CSMD2: variants seen among roughly 807,000 people sequenced by gnomAD.
The protein encoded by CSMD2 is CUB and sushi domain-containing protein 2.
A neutral mutation model predicts 398.5 loss-of-function variants in CSMD2; 130 were observed. That is an observed-to-expected ratio of 0.33 (90% CI 0.28 to 0.38). The LOEUF (loss-of-function observed/expected upper bound fraction) is 0.38, where lower values mean the gene tolerates loss of function less well. Ranked by LOEUF, CSMD2 falls within the 10% of genes least tolerant of loss-of-function variation. The pLI, the probability that CSMD2 is intolerant of heterozygous loss-of-function variation, is 1.00. For missense variants in CSMD2, 3,829 were observed against 4,764.9 expected (o/e 0.80, Z 5.78); for synonymous variants, 1,828 against 1,908.5 (o/e 0.96, Z 1.10).
intron 37 of CSMD2, among the ~76,000 whole-genome samples, chr1:33,618,568 C>A (rs888623915): frequency 6.6e-6 from 1 of 152,058 alleles, no homozygotes; most frequent in African/African-American, 2.4e-5. Context: ...TCAACCTGCA[C>A]TCATTTATTC....
At chr1:33,970,880 G>A (rs1645736574) in intron 3 of CSMD2, among the ~76,000 whole-genome samples, 1 of 152,206 alleles carries the variant, frequency 6.6e-6, no homozygotes, top group Non-Finnish European at 1.5e-5. Flanking sequence ...AACCCATGCT[G>A]CCTCTCTCCT....
chr1:33,632,854 T>C (rs1465409742), intron 32 of CSMD2, among the ~76,000 whole-genome samples: 1 of 152,222 alleles, frequency 6.6e-6, no homozygotes, highest in East Asian at 1.9e-4. Context: ...GGGAATTCGT[T>C]ACATAAATTT....
intron 1 of CSMD2, among the ~76,000 whole-genome samples, chr1:34,123,045 TCTGTAGTTC>T (rs759245593): frequency 3.9e-5 from 6 of 152,194 alleles, no homozygotes; most frequent in Non-Finnish European, 7.3e-5. Context: ...GCTATTTTTG[TCTGTAGTTC>T]CTGTAGTTCC....
At chr1:33,946,620 CTT>C (rs756819198) in intron 3 of CSMD2, among the ~76,000 whole-genome samples, 14 of 144,990 alleles carry the variant, frequency 9.7e-5, no homozygotes, top group Admixed American at 2.1e-4. Flanking sequence ...CATCTGACAA[CTT>C]TTTTTTTTTT....
At chr1:34,159,904 C>A (rs1188932760) in intron 1 of CSMD2, among the ~76,000 whole-genome samples, 1 of 152,210 alleles carries the variant, frequency 6.6e-6, no homozygotes, top group Non-Finnish European at 1.5e-5. Context: ...TGGCACTGGA[C>A]TCGTTGCATC....
intron 2 of CSMD2, among the ~76,000 whole-genome samples, chr1:34,079,603 C>G (rs1057348006): frequency 6.6e-6 from 1 of 152,070 alleles, no homozygotes; most frequent in Non-Finnish European, 1.5e-5. Context: ...GATGGAATAT[C>G]TACATTAACT....
intron 14 of CSMD2, among the ~76,000 whole-genome samples, chr1:33,742,656 G>C (rs761339489): frequency 8.6e-5 from 12 of 139,562 alleles, no homozygotes; most frequent in Non-Finnish European, 1.2e-4. Context: ...GCTGCTTCTA[G>C]AGAAGGGGCC....
chr1:33,587,874 T>G (rs1276927164), intron 44 of CSMD2, among the ~76,000 whole-genome samples: 1 of 152,254 alleles, frequency 6.6e-6, no homozygotes. Context: ...CAGAGTCAAG[T>G]GCTATACAAG....
intron 44 of CSMD2, among the ~76,000 whole-genome samples, chr1:33,596,166 A>G (rs1639821798): frequency 6.6e-6 from 1 of 152,122 alleles, no homozygotes. Context: ...CCAAGGTTTC[A>G]TTTCTGCTGA....
chr1:33,822,438 T>C (rs1199801702), intron 7 of CSMD2, among the ~76,000 whole-genome samples: 1 of 152,168 alleles, frequency 6.6e-6, no homozygotes, highest in Admixed American at 6.5e-5. Context: ...GCCCAGGCTA[T>C]GGCTGGCCAT....
chr1:33,932,297 C>T (rs1411544472), intron 4 of CSMD2, among the ~76,000 whole-genome samples: 1 of 151,956 alleles, frequency 6.6e-6, no homozygotes, highest in Admixed American at 6.6e-5. Context: ...CCCCTAGTAA[C>T]AATTACAGCA....
chr1:33,788,181 G>A (rs565084468), intron 12 of CSMD2, among the ~76,000 whole-genome samples: 1 of 152,188 alleles, frequency 6.6e-6, no homozygotes, highest in East Asian at 1.9e-4. Context: ...GGAATAACAT[G>A]CCTAAGGGGG....
At chr1:34,021,560 C>G (rs1648889351) in intron 3 of CSMD2, among the ~76,000 whole-genome samples, 2 of 152,202 alleles carry the variant, frequency 1.3e-5, no homozygotes, top group Non-Finnish European at 2.9e-5. Context: ...GCCCCCCTGC[C>G]TTGAGCACGG....
At chr1:33,958,993 T>C (rs1233641526) in intron 3 of CSMD2, among the ~76,000 whole-genome samples, 5 of 152,222 alleles carry the variant, frequency 3.3e-5, no homozygotes, top group Non-Finnish European at 7.3e-5. Context: ...TGCCTATTTA[T>C]CTCGACTCCC....
intron 3 of CSMD2, among the ~76,000 whole-genome samples, chr1:34,000,450 G>A (rs1646865260): frequency 6.6e-6 from 1 of 152,128 alleles, no homozygotes. Context: ...TTGGCACAGA[G>A]CAAAGAGAAA....
In CSMD2 at chr1:33,540,632, C is replaced by G; in HGVS notation, c.9524G>C (p.Gly3175Ala). The G allele has an allele frequency of 6.2e-7, 1 of 1,614,194 alleles. No individual in the cohort carries two copies. The highest frequency in any genetic ancestry group is 1.7e-5 in the Admixed American group (1 of 60,026). ...GKVVGSDFMWGSSVTYACLEG... is the reference protein window; with the variant it reads ...GKVVGSDFMWASSVTYACLEG... Reference sequence around the variant, plus strand: ...CAGGCAGGCATAAGTCACACTTGAGCCCCACATGAAGTCAGACCCCACCAC... The same window carrying G: ...CAGGCAGGCATAAGTCACACTTGAGGCCCACATGAAGTCAGACCCCACCAC... Residue 3175 changes from glycine (G) to alanine (A), a missense_variant, in exon 60 of 71, where the codon GGC becomes GCC. This residue lies in a region of CSMD2 where 917 missense variants were observed against 1,199.5 expected (regional missense o/e 0.76). Transcript: ENST00000373381.
chr1:34,074,396 G>A (rs571583261), intron 2 of CSMD2, among the ~76,000 whole-genome samples: 26 of 152,238 alleles, frequency 1.7e-4, no homozygotes, highest in Admixed American at 2.6e-4. Flanking sequence ...GAGCTGGCCC[G>A]GGCCACTGCT....
At chr1:33,700,135 A>G (rs1337441930) in intron 23 of CSMD2, among the ~76,000 whole-genome samples, 6 of 151,978 alleles carry the variant, frequency 3.9e-5, no homozygotes, top group Non-Finnish European at 4.4e-5. Context: ...CAGCCTCCCA[A>G]GTAGCTGGGA....
At chr1:33,775,565 G>A (rs924635629) in intron 12 of CSMD2, among the ~76,000 whole-genome samples, 1 of 152,154 alleles carries the variant, frequency 6.6e-6, no homozygotes, top group African/African-American at 2.4e-5. Context: ...ACATAACTAA[G>A]TGCCTGGCCT....
Sources: allele counts gnomAD v4.1 joint callset (sites outside exome capture counted in the v4.1 genomes callset), GRCh38; gene constraint gnomAD v4.1.1; regional missense constraint gnomAD v4.1.1; transcripts MANE v1.5; gene names NCBI Gene and HGNC (gene_info 2026-07-23, HGNC 2026-07-21).